Variants in HS6ST3 observed in about 807,000 individuals in gnomAD.
HS6ST3 encodes heparan sulfate 6-O-sulfotransferase 3.
In HS6ST3, 12 loss-of-function variants were observed where a neutral mutation model predicts 36.7. That is an observed-to-expected ratio of 0.33 (90% confidence interval 0.21 to 0.53). The LOEUF is 0.53. HS6ST3 is among the 20% of genes least tolerant of loss of function. HS6ST3 has a pLI of 0.95. For missense variants in HS6ST3, 584 were observed against 640.9 expected (o/e 0.91, Z 0.96); for synonymous variants, 240 against 257.5 (o/e 0.93, Z 0.65).
chr13:96,826,244 A>G (rs1878644245), intron 1 of HS6ST3, among the ~76,000 whole-genome samples: 1 of 152,190 alleles, frequency 6.6e-6, no homozygotes, highest in Non-Finnish European at 1.5e-5. Context: ...ATCAAATGAC[A>G]AGTGCATTAG....
At position 96,273,073 on chromosome 13, in the gene HS6ST3, C is replaced by T. The variant is rs569069637; in HGVS notation, c.707+181504C>T. On this transcript the variant is annotated intron_variant, in intron 1 of 1. Coordinates refer to ENST00000376705, the MANE Select transcript of HS6ST3 (RefSeq NM_153456.4). ...TAATAGAATTGAATCTAAAGATCCACGTAATATTTCATTAGAAAGACTAAG... is the reference window on the plus strand; with the variant it reads ...TAATAGAATTGAATCTAAAGATCCATGTAATATTTCATTAGAAAGACTAAG... 1.9e-4 allele frequency among the ~76,000 whole-genome samples: 29 copies of T among 152,000 alleles called. No homozygotes were observed. The East Asian group carries it at 3.1e-3, about 16-fold the overall frequency.
chr13:96,196,304 T>C (rs1327632), intron 1 of HS6ST3, among the ~76,000 whole-genome samples: 83,190 of 151,944 alleles, frequency 0.55, 23,260 homozygotes, highest in African/African-American at 0.66. Flanking sequence ...GCTGGTCTGA[T>C]CCTCTTGGCC....
intron 1 of HS6ST3, among the ~76,000 whole-genome samples, chr13:96,275,664 A>G (rs576060487): frequency 2.0e-5 from 3 of 152,326 alleles, no homozygotes; most frequent in Non-Finnish European, 4.4e-5. Context: ...GTAGTAAAAC[A>G]CACATCCATA....
intron 1 of HS6ST3, among the ~76,000 whole-genome samples, chr13:96,239,871 A>G (rs1476763071): frequency 6.6e-6 from 1 of 152,214 alleles, no homozygotes; most frequent in Non-Finnish European, 1.5e-5. Context: ...TAAAAGCTAC[A>G]GTCAGTGTCC....
At chr13:96,548,187 T>C (rs757675962) in intron 1 of HS6ST3, among the ~76,000 whole-genome samples, 1 of 152,158 alleles carries the variant, frequency 6.6e-6, no homozygotes, top group Non-Finnish European at 1.5e-5. Context: ...ATTGGGTTCA[T>C]ATAGAGGAAC....
At chr13:96,786,368 C>G (rs1351179730) in intron 1 of HS6ST3, among the ~76,000 whole-genome samples, 2 of 152,130 alleles carry the variant, frequency 1.3e-5, no homozygotes, top group Non-Finnish European at 2.9e-5. Context: ...TTTATCTACT[C>G]TAGTGCTATC....
chr13:96,785,651 G>GAAC (rs375673374), intron 1 of HS6ST3, among the ~76,000 whole-genome samples: 24 of 151,996 alleles, frequency 1.6e-4, no homozygotes, highest in South Asian at 6.2e-4. Context: ...GCATGGGCTG[G>GAAC]AACAACAACA....
chr13:96,352,895 A>G (rs1322586098), intron 1 of HS6ST3, among the ~76,000 whole-genome samples: 2 of 152,072 alleles, frequency 1.3e-5, no homozygotes, highest in Non-Finnish European at 1.5e-5. Flanking sequence ...TACAGGTGGG[A>G]ATTGGGGACA....
intron 1 of HS6ST3, among the ~76,000 whole-genome samples, chr13:96,112,577 A>AC (rs2053873669): frequency 3.0e-5 from 1 of 33,322 alleles, no homozygotes; most frequent in East Asian, 1.4e-3. Context: ...TAAAATAAAT[A>AC]AATATATATA....
chr13:96,384,722 T>A (rs991300523), intron 1 of HS6ST3, among the ~76,000 whole-genome samples: 3 of 152,182 alleles, frequency 2.0e-5, no homozygotes, highest in Admixed American at 6.5e-5. Flanking sequence ...GAAGCAAATT[T>A]CCAACAACCT....
At chr13:96,130,510 A>G (rs1448383020) in intron 1 of HS6ST3, among the ~76,000 whole-genome samples, 4 of 152,230 alleles carry the variant, frequency 2.6e-5, no homozygotes, top group African/African-American at 9.6e-5. Flanking sequence ...TACATCTGTC[A>G]TTTGAGATGG....
intron 1 of HS6ST3, among the ~76,000 whole-genome samples, chr13:96,360,234 G>A (rs1262648612): frequency 6.6e-6 from 1 of 152,052 alleles, no homozygotes; most frequent in African/African-American, 2.4e-5. Context: ...TTGTAGGGAG[G>A]ATACAGAGAG....
chr13:96,287,343 C>G (rs2054808783), intron 1 of HS6ST3, among the ~76,000 whole-genome samples: 1 of 151,870 alleles, frequency 6.6e-6, no homozygotes, highest in African/African-American at 2.4e-5. Context: ...TTATATAATG[C>G]CTTAAAATAT....
At chr13:96,830,379 G>A (rs887371854) in intron 1 of HS6ST3, among the ~76,000 whole-genome samples, 1 of 152,146 alleles carries the variant, frequency 6.6e-6, no homozygotes, top group Admixed American at 6.5e-5. Flanking sequence ...AATGATACAG[G>A]GGAGGAATAT....
At chr13:96,827,005 G>A (rs1878662706) in intron 1 of HS6ST3, among the ~76,000 whole-genome samples, 1 of 152,096 alleles carries the variant, frequency 6.6e-6, no homozygotes, top group African/African-American at 2.4e-5. Context: ...AATGAAGTAG[G>A]TGACAAATGG....
At chr13:96,490,523 G>A (rs1185959564) in intron 1 of HS6ST3, among the ~76,000 whole-genome samples, 1 of 152,100 alleles carries the variant, frequency 6.6e-6, no homozygotes, top group African/African-American at 2.4e-5. Context: ...TGACTATTTT[G>A]CATTGACTAG....
chr13:96,682,370 C>A (rs553450146), intron 1 of HS6ST3, among the ~76,000 whole-genome samples: 12 of 152,236 alleles, frequency 7.9e-5, no homozygotes, highest in African/African-American at 2.6e-4. Flanking sequence ...CCTCCTGAAG[C>A]TAAATGTTTT....
At chr13:96,419,757 G>A (rs933257701) in intron 1 of HS6ST3, among the ~76,000 whole-genome samples, 76 of 152,230 alleles carry the variant, frequency 5.0e-4, no homozygotes, top group African/African-American at 1.7e-3. Context: ...TTCTTTGGCT[G>A]TGGATGCATC....
intron 1 of HS6ST3, among the ~76,000 whole-genome samples, chr13:96,481,447 A>C (rs2055889624): frequency 6.6e-6 from 1 of 152,176 alleles, no homozygotes; most frequent in Middle Eastern, 3.2e-3. Flanking sequence ...CTTTCAGTAC[A>C]TGAATTAAGA....
Sources: gnomAD v4.1 joint callset for allele counts (sites outside exome capture counted in the v4.1 genomes callset) on GRCh38, gnomAD v4.1.1 for gene constraint, MANE v1.5 for transcripts, NCBI Gene and HGNC (gene_info 2026-07-23, HGNC 2026-07-21) for gene names.